RMDN2: variants seen among roughly 807,000 people sequenced by gnomAD.
The protein encoded by RMDN2 is regulator of microtubule dynamics 2, also known as regulator of microtubule dynamics protein 2.
In RMDN2, 61 loss-of-function variants were observed where a neutral mutation model predicts 52.8. That is an observed-to-expected ratio of 1.16 (90% CI 0.94 to 1.43). The LOEUF is 1.43. Ranked by LOEUF, RMDN2 falls within the 40% of genes most tolerant of loss-of-function variation. RMDN2 has a pLI of 0.00. For missense variants in RMDN2, 592 were observed against 475.3 expected (o/e 1.25, Z -2.28); for synonymous variants, 180 against 153.1 (o/e 1.18, Z -1.30).
In RMDN2 at chr2:37,977,188, C is replaced by G. The variant is rs374737083; in HGVS notation, c.730+1874C>G. Reference sequence around the variant, plus strand: ...GGTAAGGTTATAGATTAACAGCATCCCAAGGCAGAAGAATTTTTTAGTACA... The same window carrying G: ...GGTAAGGTTATAGATTAACAGCATCGCAAGGCAGAAGAATTTTTTAGTACA... On this transcript the variant is annotated intron_variant, in intron 4 of 10. Transcript: ENST00000354545. 7.9e-5 allele frequency among the ~76,000 whole-genome samples: 12 copies of G among 152,318 alleles called. No homozygotes were observed. The East Asian group carries it at 2.1e-3, about 27-fold the overall frequency.
At chr2:37,975,352 A>G (rs779127896) in intron 4 of RMDN2, 38 bp downstream of exon 4, 61 of 1,186,858 alleles carry the variant, frequency 5.1e-5, no homozygotes, top group Non-Finnish European at 7.4e-5. Flanking sequence ...AGTAGCAATT[A>G]AGATCTATAG....
chr2:37,977,023 C>T (rs951506527), intron 4 of RMDN2, among the ~76,000 whole-genome samples: 3 of 152,010 alleles, frequency 2.0e-5, no homozygotes, highest in Non-Finnish European at 1.5e-5. Context: ...TCCCTGGGTA[C>T]TTCAGATTAG....
At chr2:37,988,614 C>A (rs1674355818) in intron 5 of RMDN2, among the ~76,000 whole-genome samples, 1 of 151,086 alleles carries the variant, frequency 6.6e-6, no homozygotes, top group Non-Finnish European at 1.5e-5. Flanking sequence ...TATGGATATT[C>A]ATAGAAATGG....
At chr2:38,024,163 C>CAGA (rs1679600279) in intron 10 of RMDN2, among the ~76,000 whole-genome samples, 2 of 152,018 alleles carry the variant, frequency 1.3e-5, no homozygotes, top group Non-Finnish European at 2.9e-5. Context: ...CAGAAATATA[C>CAGA]CATAGTTTGC....
At chr2:37,991,883 T>G (rs1221922832) in intron 7 of RMDN2, among the ~76,000 whole-genome samples, 2 of 152,186 alleles carry the variant, frequency 1.3e-5, no homozygotes, top group Non-Finnish European at 2.9e-5. Flanking sequence ...CACTATTAGT[T>G]TATAGAAAAT....
chr2:37,958,082 G>A (rs1669716415), intron 2 of RMDN2, among the ~76,000 whole-genome samples: 1 of 152,166 alleles, frequency 6.6e-6, no homozygotes, highest in South Asian at 2.1e-4. Context: ...GTAGTGTGAT[G>A]CCTCCAGCTT....
intron 2 of RMDN2, among the ~76,000 whole-genome samples, chr2:37,961,023 C>G (rs540945793): frequency 6.6e-6 from 1 of 152,296 alleles, no homozygotes; most frequent in South Asian, 2.1e-4. Context: ...GGCCCCCACT[C>G]TTTTCTGGCT....
At chr2:37,963,838 A>G (rs368445993) in intron 2 of RMDN2, among the ~76,000 whole-genome samples, 4 of 147,516 alleles carry the variant, frequency 2.7e-5, no homozygotes, top group African/African-American at 1.0e-4. Context: ...GGGTACACCT[A>G]CCAGACGGGG....
intron 10 of RMDN2, among the ~76,000 whole-genome samples, chr2:38,052,022 G>C (rs1681633269): frequency 6.6e-6 from 1 of 152,234 alleles, no homozygotes; most frequent in East Asian, 1.9e-4. Context: ...CCTATCATTT[G>C]GATAAATACC....
At chr2:37,921,373 ATT>A (rs1558424294), upstream of RMDN2, among the ~76,000 whole-genome samples, 1 of 152,140 alleles carries the variant, frequency 6.6e-6, no homozygotes, top group African/African-American at 2.4e-5. Context: ...AGACTGCCTA[ATT>A]TTTTTAAAAC....
At chr2:37,922,116 G>T (rs570532370), upstream of RMDN2, among the ~76,000 whole-genome samples, 530 of 152,208 alleles carry the variant, frequency 3.5e-3, 2 homozygotes, top group African/African-American at 0.012. Flanking sequence ...CCAGCTATTT[G>T]CAGTAAAATA....
intron 8 of RMDN2, among the ~76,000 whole-genome samples, chr2:38,003,300 C>T (rs1187743414): frequency 2.0e-5 from 3 of 152,094 alleles, no homozygotes; most frequent in African/African-American, 7.2e-5. Context: ...TGCCTGTAAT[C>T]CCAGCACTTT....
chr2:37,930,812 G>C (rs1222111072), intron 2 of RMDN2, among the ~76,000 whole-genome samples: 1 of 152,208 alleles, frequency 6.6e-6, no homozygotes, highest in Non-Finnish European at 1.5e-5. Context: ...CAGGGAAAGG[G>C]AGGAGGTGCT....
At chr2:37,985,619 G>A (rs1018498728) in intron 5 of RMDN2, among the ~76,000 whole-genome samples, 3 of 152,116 alleles carry the variant, frequency 2.0e-5, no homozygotes, top group South Asian at 2.1e-4. Flanking sequence ...GGTCCCCAGT[G>A]TGTTCAGTAA....
At chr2:38,000,902 A>C (rs1676231503) in intron 8 of RMDN2, among the ~76,000 whole-genome samples, 1 of 152,308 alleles carries the variant, frequency 6.6e-6, no homozygotes. Flanking sequence ...TTAAACGTTG[A>C]TCAGTGTTTT....
At chr2:38,064,340 A>G (rs1682180491) in intron 10 of RMDN2, among the ~76,000 whole-genome samples, 1 of 152,072 alleles carries the variant, frequency 6.6e-6, no homozygotes, top group Non-Finnish European at 1.5e-5. Flanking sequence ...AAATACAAAA[A>G]TTAGCCAGAC....
Position 38,063,316 on chromosome 2 carries a change from G to C in RMDN2, c.1714-3666G>C, listed in dbSNP as rs1682133429. ...CTTTTTAATGATCGCCATTCTAACTGGTGTGAGATGGTATCTCATTGTGGT... is the reference window on the plus strand; with the variant it reads ...CTTTTTAATGATCGCCATTCTAACTCGTGTGAGATGGTATCTCATTGTGGT... On this transcript the variant is annotated intron_variant, in intron 10 of 10. Coordinates refer to the RMDN2 transcript ENST00000234195. 2.6e-5 allele frequency among the ~76,000 whole-genome samples: 4 copies of C among 152,110 alleles called. No homozygotes were observed. The South Asian group carries it at 8.3e-4, about 32-fold the overall frequency.
chr2:37,964,946 G>T (rs1363891982), intron 2 of RMDN2, among the ~76,000 whole-genome samples: 7 of 152,006 alleles, frequency 4.6e-5, no homozygotes, highest in Non-Finnish European at 1.0e-4. Flanking sequence ...TAGTGTTATT[G>T]TTATATCTTC....
intron 2 of RMDN2, among the ~76,000 whole-genome samples, chr2:37,941,187 A>C (rs942454647): frequency 6.6e-6 from 1 of 152,154 alleles, no homozygotes. Flanking sequence ...CTGGGAGTCC[A>C]CTGTAGACCC....
Sources: allele counts gnomAD v4.1 joint callset (sites outside exome capture counted in the v4.1 genomes callset), GRCh38; gene constraint gnomAD v4.1.1; transcripts MANE v1.5; gene names NCBI Gene and HGNC (gene_info 2026-07-23, HGNC 2026-07-21).